The following DLGAP2 variants were observed in gnomAD, a reference collection of about 807,000 sequenced individuals.
DLGAP2 encodes DLG associated protein 2.
In DLGAP2, 26 loss-of-function variants were observed where a neutral mutation model predicts 100.3. That is an observed-to-expected ratio of 0.26 (90% CI 0.19 to 0.36). The LOEUF (loss-of-function observed/expected upper bound fraction) is 0.36. Ranked by LOEUF, DLGAP2 falls within the 10% of genes least tolerant of loss-of-function variation. The pLI is 1.00. For missense variants in DLGAP2, 1,858 were observed against 1,453.2 expected (o/e 1.28, Z -4.53); for synonymous variants, 886 against 630.1 (o/e 1.41, Z -6.08).
At chr8:1,537,900 A>T (rs1801211272) in intron 4 of DLGAP2, among the ~76,000 whole-genome samples, 1 of 152,250 alleles carries the variant, frequency 6.6e-6, no homozygotes, top group Admixed American at 6.5e-5. Context: ...GAAGATGCTC[A>T]TAGGAGAAGA....
chr8:1,053,093 C>A (rs758911917), intron 2 of DLGAP2, among the ~76,000 whole-genome samples: 1 of 152,220 alleles, frequency 6.6e-6, no homozygotes, highest in South Asian at 2.1e-4. Context: ...ATGTAATGTG[C>A]TTTGCCGTTT....
chr8:1,694,116 G>C (rs1298361081), intron 13 of DLGAP2, among the ~76,000 whole-genome samples: 1 of 152,164 alleles, frequency 6.6e-6, no homozygotes, highest in East Asian at 1.9e-4. Flanking sequence ...CCTAATATTT[G>C]TTATGCCTTT....
intron 3 of DLGAP2, chr8:1,300,403 C>G (rs1801283704): frequency 6.6e-6 from 1 of 152,192 alleles, no homozygotes; most frequent in African/African-American, 2.4e-5. Flanking sequence ...GTTTGCACGG[C>G]TGAAACACGG....
chr8:832,470 G>T (rs1200389281), intron 1 of DLGAP2, among the ~76,000 whole-genome samples: 1 of 152,114 alleles, frequency 6.6e-6, no homozygotes, highest in Admixed American at 6.5e-5. Context: ...CATTCTTCTG[G>T]ATTCATTTAG....
intron 12 of DLGAP2, among the ~76,000 whole-genome samples, chr8:1,687,213 T>G (rs1403272384): frequency 6.6e-6 from 1 of 152,182 alleles, no homozygotes; most frequent in Non-Finnish European, 1.5e-5. Flanking sequence ...TCTCAAATAT[T>G]AGAACACCAG....
At chr8:1,182,572 G>C (rs550192582) in intron 2 of DLGAP2, among the ~76,000 whole-genome samples, 5 of 152,304 alleles carry the variant, frequency 3.3e-5, no homozygotes, top group Admixed American at 2.6e-4. Context: ...TTTAGAGTTG[G>C]CACTTGTGGC....
intron 3 of DLGAP2, among the ~76,000 whole-genome samples, chr8:1,387,514 A>G (rs1796247959): frequency 6.6e-6 from 1 of 152,098 alleles, no homozygotes; most frequent in Admixed American, 6.6e-5. Context: ...GGTTCTGGAG[A>G]AGGACGGTGG....
rs75287307 is a variant in DLGAP2 at position 1,270,706 on chromosome 8, G to C, written c.106+11823G>C. Among the ~76,000 whole-genome samples, 5 of 12,006 alleles carry C rather than the reference G, an allele frequency of 4.2e-4. No individual in the cohort carries two copies. In the East Asian group the frequency reaches 8.9e-3, roughly 21 times the overall value. 7.9% of individuals were successfully genotyped at this position (12,006 alleles called of 152,430 possible). On this transcript the variant is annotated intron_variant, in intron 3 of 14. Transcript: ENST00000637795. ...TATTTATGTCTCTGTGTGTGTCTCT[G>C]TGTGTGTGTGTGTGTCTCCCTCTCT... is the stretch of plus-strand genomic sequence containing the variant.
intron 1 of DLGAP2, among the ~76,000 whole-genome samples, chr8:784,182 G>A (rs945268160): frequency 5.9e-5 from 9 of 152,170 alleles, no homozygotes; most frequent in Non-Finnish European, 1.2e-4. Flanking sequence ...TTCCAATTCA[G>A]TTTTAATGGT....
chr8:1,254,898 C>CTCTCTCCTGCCCAGGTGCTGTGTG (rs1563042986), intron 2 of DLGAP2, among the ~76,000 whole-genome samples: 1 of 83,894 alleles, frequency 1.2e-5, no homozygotes, highest in African/African-American at 4.5e-5. Context: ...CGTGCTGTGT[C>CTCTCTCCTGCCCAGGTGCTGTGTG]TGTGCTCTCT....
At chr8:1,474,825 A>G (rs1798888552) in intron 3 of DLGAP2, among the ~76,000 whole-genome samples, 1 of 152,230 alleles carries the variant, frequency 6.6e-6, no homozygotes, top group African/African-American at 2.4e-5. Context: ...CAGTTTGTAG[A>G]TTTCTCAAAG....
At chr8:1,128,104 T>C (rs1048730508) in intron 2 of DLGAP2, among the ~76,000 whole-genome samples, 2 of 152,030 alleles carry the variant, frequency 1.3e-5, no homozygotes, top group African/African-American at 2.4e-5. Flanking sequence ...CTGCTCCCCG[T>C]GTTGTGTTCC....
At chr8:1,108,817 G>A (rs1277283946) in intron 2 of DLGAP2, among the ~76,000 whole-genome samples, 1 of 125,500 alleles carries the variant, frequency 8.0e-6, no homozygotes, top group Non-Finnish European at 1.7e-5. Flanking sequence ...GTGTCTATGA[G>A]GTGTGCATGT....
chr8:1,386,771 CAAG>C (rs1200776559), intron 3 of DLGAP2, among the ~76,000 whole-genome samples: 2 of 151,732 alleles, frequency 1.3e-5, no homozygotes, highest in African/African-American at 4.8e-5. Context: ...TAGAATGCGG[CAAG>C]AAGGTGAGAT....
At chr8:1,176,138 A>C (rs968954673) in intron 2 of DLGAP2, among the ~76,000 whole-genome samples, 7 of 152,190 alleles carry the variant, frequency 4.6e-5, no homozygotes, top group African/African-American at 7.2e-5. Context: ...GAGAGGCCTC[A>C]GGAAACTTAC....
intron 2 of DLGAP2, among the ~76,000 whole-genome samples, chr8:1,018,299 C>A (rs1401722923): frequency 6.6e-6 from 1 of 152,200 alleles, no homozygotes; most frequent in African/African-American, 2.4e-5. Context: ...GGCTGATGTT[C>A]AGTGTGTGAC....
At chr8:742,936 G>C (rs987378110) in intron 1 of DLGAP2, among the ~76,000 whole-genome samples, 1 of 152,154 alleles carries the variant, frequency 6.6e-6, no homozygotes, top group East Asian at 1.9e-4. Flanking sequence ...TGATAAGAAT[G>C]GTGCACGTAG....
In DLGAP2 at chr8:1,071,919, G is replaced by A. The variant is rs150654215; in HGVS notation, c.73+163953G>A. Among the ~76,000 whole-genome samples, 464 of 152,330 alleles carry A rather than the reference G, an allele frequency of 3.0e-3. 1 individual carries two copies. The highest frequency in any genetic ancestry group is 4.8e-3 in the Non-Finnish European group (330 of 68,042). On this transcript the variant is annotated intron_variant, in intron 2 of 14. Coordinates refer to ENST00000637795, the MANE Select transcript of DLGAP2 (RefSeq NM_001346810.2). ...TGGCCTGTGAGTTTAGGGAACTCGT[G>A]TCAGTCTGGTTAAGTGGGTGGTTTG...
chr8:1,417,792 T>C (rs73530759), intron 3 of DLGAP2, among the ~76,000 whole-genome samples: 3,215 of 147,486 alleles, frequency 0.022, 121 homozygotes, highest in African/African-American at 0.079. Flanking sequence ...GAGAAAGTGA[T>C]CAATGTCTCC....
Sources: gnomAD v4.1 joint callset for allele counts (sites outside exome capture counted in the v4.1 genomes callset) on GRCh38, gnomAD v4.1.1 for gene constraint, MANE v1.5 for transcripts, NCBI Gene and HGNC (gene_info 2026-07-23, HGNC 2026-07-21) for gene names.